Variants in EFCAB5 observed in about 807,000 individuals in gnomAD.
The protein encoded by EFCAB5 is EF-hand calcium binding domain 5.
Under a neutral mutation model 167.9 loss-of-function variants are expected in EFCAB5, and 131 were observed. That is an observed-to-expected ratio of 0.78 (90% confidence interval 0.68 to 0.90). The LOEUF (loss-of-function observed/expected upper bound fraction) is 0.90. Ranked by LOEUF, EFCAB5 falls within the 40% of genes least tolerant of loss-of-function variation. The pLI is 0.00. For missense variants in EFCAB5, 1,663 were observed against 1,745.2 expected, an observed-to-expected ratio of 0.95 and a Z score of 0.84; for synonymous variants, 574 against 602.8, an observed-to-expected ratio of 0.95 and a Z score of 0.70.
chr17:30,022,368 G>A (rs2069200427), intron 7 of EFCAB5, among the ~76,000 whole-genome samples: 1 of 152,164 alleles, frequency 6.6e-6, no homozygotes, highest in South Asian at 2.1e-4. Flanking sequence ...TAGAACCAGA[G>A]AAGGAGAGGA....
chr17:29,938,484 C>G (rs2067263751), upstream of EFCAB5, among the ~76,000 whole-genome samples: 1 of 152,286 alleles, frequency 6.6e-6, no homozygotes, highest in Non-Finnish European at 1.5e-5. Context: ...CATTGATTGA[C>G]TCTTCCTGTC....
intron 4 of EFCAB5, among the ~76,000 whole-genome samples, chr17:29,977,924 G>A (rs1342359272): frequency 6.6e-6 from 1 of 152,106 alleles, no homozygotes; most frequent in Admixed American, 6.6e-5. Flanking sequence ...GTTTCTATTG[G>A]AATGTGTTAT....
chr17:30,038,858 T>C (rs1028080216), intron 8 of EFCAB5, among the ~76,000 whole-genome samples: 3 of 152,204 alleles, frequency 2.0e-5, no homozygotes, highest in African/African-American at 7.2e-5. Flanking sequence ...TGGTGGCCCA[T>C]ATGGGGATAC....
intron 7 of EFCAB5, among the ~76,000 whole-genome samples, chr17:30,031,574 A>G (rs2069480704): frequency 6.6e-6 from 1 of 152,180 alleles, no homozygotes; most frequent in South Asian, 2.1e-4. Context: ...TGAGGTAACT[A>G]CTACTGTGAT....
chr17:30,025,912 C>T (rs1231276218), intron 7 of EFCAB5, among the ~76,000 whole-genome samples: 1 of 151,716 alleles, frequency 6.6e-6, no homozygotes, highest in Non-Finnish European at 1.5e-5. Context: ...AGTAAACTAT[C>T]GCAAGGACAA....
chr17:30,052,180 T>C (rs1220985182), intron 9 of EFCAB5, among the ~76,000 whole-genome samples: 2 of 152,080 alleles, frequency 1.3e-5, no homozygotes, highest in Admixed American at 6.6e-5. Flanking sequence ...ATGTCTTTTT[T>C]TTGAGACAGA....
intron 3 of EFCAB5, among the ~76,000 whole-genome samples, chr17:29,952,048 G>C (rs1045651722): frequency 6.6e-6 from 1 of 152,126 alleles, no homozygotes; most frequent in African/African-American, 2.4e-5. Flanking sequence ...AGTTATGGAG[G>C]CTGGGAAGTC....
At chr17:29,952,132 T>C (rs866019319) in intron 3 of EFCAB5, among the ~76,000 whole-genome samples, 1 of 152,296 alleles carries the variant, frequency 6.6e-6, no homozygotes, top group South Asian at 2.1e-4. Flanking sequence ...ACCTTGAACA[T>C]TGTGTCCTCC....
chr17:30,056,139 G>A lies in EFCAB5; in HGVS notation c.2348G>A (p.Gly783Asp). 1 of 1,610,174 alleles carries A rather than the reference G, an allele frequency of 6.2e-7. No individual in the cohort carries two copies. The highest frequency in any genetic ancestry group is 8.5e-7 in the Non-Finnish European group (1 of 1,177,930). ...EDEEQANLIYGNSRFTDLHSI... is the reference protein window; with the variant it reads ...EDEEQANLIYDNSRFTDLHSI... ...GAGGAACAGGCAAACTTAATCTATGGTAACTCCAGGTTCACAGGTACATGT... is the reference window on the plus strand; with the variant it reads ...GAGGAACAGGCAAACTTAATCTATGATAACTCCAGGTTCACAGGTACATGT... The change falls in exon 12 of 23, where the codon GGT (glycine) becomes GAT (aspartate). Residue 783 changes from glycine (G) to aspartate (D), a missense_variant. Gly to Asp is a moderately conservative substitution (Grantham distance 94). Coordinates refer to ENST00000394835, the MANE Select transcript of EFCAB5 (RefSeq NM_198529.4).
At chr17:29,931,312 A>G (rs1007159724) in intron 1 of EFCAB5, among the ~76,000 whole-genome samples, 1 of 151,964 alleles carries the variant, frequency 6.6e-6, no homozygotes, top group African/African-American at 2.4e-5. Flanking sequence ...CTTGGATCTC[A>G]TTGCTTCTTT....
chr17:30,092,057 A>C lies in EFCAB5; in HGVS notation c.4124A>C (p.Asn1375Thr), dbSNP rs772220177. ...AGCAAATCTATGGAGTTGGAAGCCAACGTGAAACTAGTGCGTGACATCCTG... is the reference window on the plus strand; with the variant it reads ...AGCAAATCTATGGAGTTGGAAGCCACCGTGAAACTAGTGCGTGACATCCTG... ...QDSKSMELEA[N>T]VKLVRDILKA... The change falls in exon 21 of 23, where the codon AAC becomes ACC. Residue 1375 changes from asparagine (N) to threonine (T), a missense_variant. Physicochemically the swap from Asn to Thr is moderately conservative, Grantham distance 65. Coordinates refer to ENST00000394835, the MANE Select transcript of EFCAB5 (RefSeq NM_198529.4). 2 of 1,614,010 alleles carry C rather than the reference A, an allele frequency of 1.2e-6. No individual in the cohort carries two copies. Among genetic ancestry groups the C allele is most frequent in the Non-Finnish European group, 1.7e-6 (2 of 1,179,876 alleles).
intron 4 of EFCAB5, among the ~76,000 whole-genome samples, chr17:29,985,892 T>C (rs555660560): frequency 3.9e-5 from 6 of 152,196 alleles, no homozygotes; most frequent in African/African-American, 1.4e-4. Flanking sequence ...GTTCCCAACA[T>C]GTTCCCCATT....
At chr17:30,014,203 G>A (rs1223205647) in intron 7 of EFCAB5, among the ~76,000 whole-genome samples, 5 of 151,326 alleles carry the variant, frequency 3.3e-5, no homozygotes, top group African/African-American at 4.8e-5. Flanking sequence ...AACATTTGCT[G>A]AGGAGTGCTT....
At chr17:30,082,573 T>A (rs1467989847) in intron 17 of EFCAB5, among the ~76,000 whole-genome samples, 1 of 151,992 alleles carries the variant, frequency 6.6e-6, no homozygotes, top group Non-Finnish European at 1.5e-5. Flanking sequence ...GTATTTTTAG[T>A]AGAGACAGGG....
chr17:30,012,632 G>C (rs552049441), intron 7 of EFCAB5, among the ~76,000 whole-genome samples: 112 of 152,244 alleles, frequency 7.4e-4, no homozygotes, highest in African/African-American at 2.6e-3. Context: ...GGTATTTGGG[G>C]CCACTACTGG....
chr17:30,021,695 T>A (rs1374923384), intron 7 of EFCAB5, among the ~76,000 whole-genome samples: 1 of 152,166 alleles, frequency 6.6e-6, no homozygotes, highest in South Asian at 2.1e-4. Flanking sequence ...ATTTCTTACA[T>A]AGAAATATTT....
At chr17:30,079,987 T>C in intron 15 of EFCAB5, 85 bp from the exon 16 acceptor site, 2 of 1,466,544 alleles carry the variant, frequency 1.4e-6, no homozygotes, top group Non-Finnish European at 9.1e-7. Flanking sequence ...TGGGGCAAGA[T>C]GCATGAATTA....
chr17:30,062,209 GAAC>G (rs1370657279), intron 14 of EFCAB5, among the ~76,000 whole-genome samples: 1 of 152,146 alleles, frequency 6.6e-6, no homozygotes, highest in East Asian at 1.9e-4. Context: ...AGACAAGCCA[GAAC>G]AACAAATAAA....
At chr17:30,013,165 G>T (rs1275919327) in intron 7 of EFCAB5, among the ~76,000 whole-genome samples, 3 of 152,146 alleles carry the variant, frequency 2.0e-5, no homozygotes, top group Non-Finnish European at 1.5e-5. Flanking sequence ...CTTGATCTTG[G>T]TGGATAAGCT....
Sources: allele counts gnomAD v4.1 joint callset (sites outside exome capture counted in the v4.1 genomes callset), GRCh38; gene constraint gnomAD v4.1.1; transcripts MANE v1.5; gene names NCBI Gene and HGNC (gene_info 2026-07-23, HGNC 2026-07-21).